MYO16: variants seen among roughly 807,000 people sequenced by gnomAD.
The protein encoded by MYO16 is unconventional myosin-XVI.
A neutral mutation model predicts 205.3 loss-of-function variants in MYO16; 94 were observed. The observed-to-expected ratio is 0.46, with a 90% confidence interval of 0.39 to 0.54. The LOEUF (loss-of-function observed/expected upper bound fraction) is 0.54. Among genes scored for constraint, MYO16 ranks in the 20% least tolerant of loss-of-function variants. The probability of loss-of-function intolerance (pLI) is 0.00; values close to 1 mark genes in which losing one functional copy is unlikely to be tolerated. For synonymous variants in MYO16, 988 were observed against 954.0 expected, an observed-to-expected ratio of 1.04 and a Z score of -0.66; for missense variants, 2,315 against 2,387.5, an observed-to-expected ratio of 0.97 and a Z score of 0.63.
chr13:108,657,427 G>T (rs1228788263), intron 1 of MYO16, among the ~76,000 whole-genome samples: 1 of 152,160 alleles, frequency 6.6e-6, no homozygotes, highest in South Asian at 2.1e-4. Context: ...TTTTTTTAAT[G>T]AATGCTATAC....
chr13:109,099,519 A>C (rs978072953), intron 27 of MYO16, among the ~76,000 whole-genome samples: 1 of 152,146 alleles, frequency 6.6e-6, no homozygotes, highest in Admixed American at 6.5e-5. Flanking sequence ...CCCATTCATG[A>C]AAGCTCCACC....
chr13:108,636,921 T>C (rs1880279536), intron 1 of MYO16, among the ~76,000 whole-genome samples: 2 of 152,164 alleles, frequency 1.3e-5, no homozygotes, highest in African/African-American at 4.8e-5. Flanking sequence ...AAATAAATGA[T>C]GTCCTCATAC....
chr13:108,528,206 A>G, the MYO16 span, among the ~76,000 whole-genome samples: 2 of 152,224 alleles, frequency 1.3e-5, no homozygotes, highest in African/African-American at 4.8e-5. Context: ...TGTATTTACC[A>G]TATCCGACAG....
intron 32 of MYO16, among the ~76,000 whole-genome samples, chr13:109,157,325 G>C (rs533825105): frequency 5.3e-5 from 8 of 149,720 alleles, no homozygotes; most frequent in Non-Finnish European, 1.2e-4. Context: ...CCAGTCCTGT[G>C]ATGCTCATAG....
chr13:109,127,246 T>C lies in MYO16; in HGVS notation c.3783-36T>C. ...CCGGAATAATGCATCTGGGCCTCTC[T>C]GGCGTGGTGCTGTTTGTGTTTTGTT... On this transcript the variant is annotated intron_variant, in intron 30 of 34. Coordinates refer to ENST00000457511, the MANE Select transcript of MYO16 (RefSeq NM_001198950.3). This position sits in a 1 kb window ranked among gnomAD's most constrained non-coding sequence, Gnocchi z 4.2. 6.5e-7 allele frequency: 1 copy of C among 1,537,524 alleles called. No individual in the cohort carries two copies. Among genetic ancestry groups the C allele is most frequent in the Non-Finnish European group, 8.8e-7 (1 of 1,137,998 alleles).
rs578091449 is a variant in MYO16 at position 109,054,760 on chromosome 13, G to A, written c.3049-286G>A. On this transcript the variant is annotated intron_variant, in intron 25 of 34. Transcript: ENST00000457511. ...CTTGGCACTGATTTGTACGAACTGT[G>A]TTTTAAATCCACATTTGCCTGTAAG... Among the ~76,000 whole-genome samples, 11 of 152,206 alleles carry A rather than the reference G, an allele frequency of 7.2e-5. No homozygotes were observed. The South Asian group carries it at 8.3e-4, about 11-fold the overall frequency.
chr13:108,517,263 T>C, the MYO16 span, among the ~76,000 whole-genome samples: 1 of 152,128 alleles, frequency 6.6e-6, no homozygotes, highest in African/African-American at 2.4e-5. Context: ...TGTGGTATCC[T>C]GGAATGCCCC....
chr13:108,739,188 C>G (rs575172331), intron 4 of MYO16, among the ~76,000 whole-genome samples: 1 of 152,110 alleles, frequency 6.6e-6, no homozygotes, highest in African/African-American at 2.4e-5. Flanking sequence ...ATGATGTTAG[C>G]TGGTTATTTT....
chr13:108,531,124 G>T, the MYO16 span, among the ~76,000 whole-genome samples: 9 of 152,336 alleles, frequency 5.9e-5, no homozygotes, highest in Admixed American at 2.6e-4. Context: ...GGAAGTAAAA[G>T]AAAGTCAGTG....
At chr13:108,657,800 C>T (rs1055203155) in intron 1 of MYO16, among the ~76,000 whole-genome samples, 4 of 152,106 alleles carry the variant, frequency 2.6e-5, no homozygotes, top group African/African-American at 9.7e-5. Context: ...TCTTCCTACC[C>T]ACATTTTATG....
At chr13:108,675,691 T>G (rs940226039) in intron 2 of MYO16, among the ~76,000 whole-genome samples, 4 of 151,982 alleles carry the variant, frequency 2.6e-5, no homozygotes, top group South Asian at 2.1e-4. Context: ...ATTTTATGAG[T>G]TTGGTAGGAA....
chr13:108,672,317 A>G (rs1322430254), intron 2 of MYO16, among the ~76,000 whole-genome samples: 1 of 152,214 alleles, frequency 6.6e-6, no homozygotes, highest in African/African-American at 2.4e-5. Flanking sequence ...GAGAAAGTAA[A>G]AAAAAATTGC....
intron 27 of MYO16, among the ~76,000 whole-genome samples, chr13:109,077,541 C>T (rs1203018692): frequency 6.6e-6 from 1 of 152,188 alleles, no homozygotes; most frequent in East Asian, 1.9e-4. Context: ...TGGTGCTGTA[C>T]ACTCTCACGT....
chr13:108,847,319 C>T (rs1877573317), intron 10 of MYO16, among the ~76,000 whole-genome samples: 1 of 152,160 alleles, frequency 6.6e-6, no homozygotes, highest in African/African-American at 2.4e-5. Flanking sequence ...GTGGCAGCTA[C>T]ACAGGCTTTA....
intron 7 of MYO16, among the ~76,000 whole-genome samples, chr13:108,815,149 G>A (rs1393915499): frequency 6.6e-6 from 1 of 152,110 alleles, no homozygotes; most frequent in East Asian, 1.9e-4. Flanking sequence ...AGTGACAATT[G>A]AAAACTTATG....
chr13:108,805,327 G>C (rs1887081576), intron 6 of MYO16, among the ~76,000 whole-genome samples: 2 of 152,124 alleles, frequency 1.3e-5, no homozygotes, highest in Non-Finnish European at 2.9e-5. Flanking sequence ...TAATGTAGCT[G>C]AGTTACAAGA....
intron 15 of MYO16, among the ~76,000 whole-genome samples, chr13:108,907,312 G>A (rs542215913): frequency 2.5e-4 from 38 of 152,176 alleles, no homozygotes; most frequent in Non-Finnish European, 3.2e-4. Context: ...TTTTTGGAAC[G>A]CATATATGAA....
At chr13:108,624,287 G>C (rs1444352652) in intron 1 of MYO16, among the ~76,000 whole-genome samples, 1 of 152,164 alleles carries the variant, frequency 6.6e-6, no homozygotes, top group Admixed American at 6.6e-5. Flanking sequence ...TAGGCCAACA[G>C]TAATCGCTAA....
intron 7 of MYO16, among the ~76,000 whole-genome samples, chr13:108,820,051 C>T (rs909794238): frequency 5.3e-5 from 8 of 152,058 alleles, no homozygotes; most frequent in Admixed American, 1.3e-4. Context: ...CCTAAAAATA[C>T]GTATAATATA....
Sources: allele counts gnomAD v4.1 joint callset (sites outside exome capture counted in the v4.1 genomes callset), GRCh38; gene constraint gnomAD v4.1.1; non-coding constraint Gnocchi (gnomAD v3.1); transcripts MANE v1.5; gene names NCBI Gene and HGNC (gene_info 2026-07-23, HGNC 2026-07-21).